Variants in TTC17 observed in about 807,000 individuals in gnomAD.
The protein encoded by TTC17 is tetratricopeptide repeat domain 17, also known as tetratricopeptide repeat protein 17.
In TTC17, 58 loss-of-function variants were observed where a neutral mutation model predicts 143.8. That is an observed-to-expected ratio of 0.40 (90% CI 0.33 to 0.50). TTC17 has a LOEUF of 0.50. TTC17 is among the 20% of genes least tolerant of loss of function. The pLI is 0.49. For missense variants in TTC17, 1,273 were observed against 1,392.5 expected (o/e 0.91, Z 1.37); for synonymous variants, 501 against 497.8 (o/e 1.01, Z -0.09).
chr11:43,471,062 C>T (rs767221913), intron 21 of TTC17, among the ~76,000 whole-genome samples: 38 of 152,170 alleles, frequency 2.5e-4, no homozygotes, highest in Non-Finnish European at 5.1e-4. Context: ...CAGCAGTTGG[C>T]ATTAACCAGA....
intron 15 of TTC17, among the ~76,000 whole-genome samples, chr11:43,410,591 A>G (rs1330304433): frequency 1.3e-5 from 2 of 152,168 alleles, no homozygotes; most frequent in African/African-American, 4.8e-5. Flanking sequence ...CTTCAGCTTC[A>G]TATCTTGAGA....
chr11:43,391,702 C>T (rs1345570444), intron 4 of TTC17, 119 bp from the exon 5 acceptor site: 2 of 1,346,140 alleles, frequency 1.5e-6, no homozygotes, highest in Non-Finnish European at 2.0e-6. Flanking sequence ...TTATAGACAT[C>T]TCTTATTTCT....
intron 1 of TTC17, among the ~76,000 whole-genome samples, chr11:43,363,607 A>G (rs1856203553): frequency 6.6e-6 from 1 of 152,140 alleles, no homozygotes. Flanking sequence ...CTTTGTCACT[A>G]TTTCCCTCTT....
chr11:43,461,369 C>T (rs1358649432), intron 21 of TTC17, among the ~76,000 whole-genome samples: 4 of 119,548 alleles, frequency 3.3e-5, no homozygotes, highest in African/African-American at 6.4e-5. Flanking sequence ...CCGGCCTGGG[C>T]GACAGAGCGA....
chr11:43,425,605 G>A (rs759978497), intron 16 of TTC17, among the ~76,000 whole-genome samples: 1 of 152,062 alleles, frequency 6.6e-6, no homozygotes, highest in Non-Finnish European at 1.5e-5. Context: ...AAGAGCATTC[G>A]TGAGATTTTA....
intron 21 of TTC17, among the ~76,000 whole-genome samples, chr11:43,484,581 T>G (rs1948347771): frequency 6.6e-6 from 1 of 152,216 alleles, no homozygotes; most frequent in Non-Finnish European, 1.5e-5. Flanking sequence ...GCAGGGTTTT[T>G]TTATGGCACT....
At chr11:43,467,519 A>G (rs1479887311) in intron 21 of TTC17, among the ~76,000 whole-genome samples, 2 of 152,218 alleles carry the variant, frequency 1.3e-5, no homozygotes, top group Non-Finnish European at 2.9e-5. Flanking sequence ...ACTGGGAGGA[A>G]GGGGGTGTGA....
chr11:43,362,149 TTGTGTGTGTGTGTGTGTGTGTG>T (rs3978779), intron 1 of TTC17, among the ~76,000 whole-genome samples: 11 of 138,150 alleles, frequency 8.0e-5, no homozygotes, highest in East Asian at 2.2e-4. Context: ...CCCGGCTAAT[TTGTGTGTGTGTGTGTGTGTGTG>T]TGTGTGTGTG....
Position 43,404,041 on chromosome 11 carries a change from T to G in TTC17, c.1376T>G (p.Phe459Cys). ...SSTSSMMSVN[F>C]DVQSNQSDIN... ...ACCTCCAGTATGATGTCTGTGAACT[T>G]TGATGTTCAATCAAATCAGAGTGAT... Residue 459 changes from phenylalanine (F) to cysteine (C), a missense_variant, in exon 11 of 24, where the codon TTT becomes TGT. Around this residue, in one of 3 missense-constraint regions of TTC17, gnomAD observed 878 missense variants for 899.8 expected, o/e 0.98. Transcript: ENST00000039989. 1.9e-6 allele frequency: 3 copies of G among 1,612,576 alleles called. No individual in the cohort carries two copies. Among genetic ancestry groups the G allele is most frequent in the Non-Finnish European group, 2.5e-6 (3 of 1,179,266 alleles).
intron 15 of TTC17, among the ~76,000 whole-genome samples, 199 bp downstream of exon 15, chr11:43,407,776 A>G (rs1858214132): frequency 6.6e-6 from 1 of 152,086 alleles, no homozygotes; most frequent in Non-Finnish European, 1.5e-5. Context: ...TGAAATTTAT[A>G]ATTACACAGT....
At chr11:43,447,237 G>A (rs1947563483) in intron 18 of TTC17, among the ~76,000 whole-genome samples, 1 of 152,024 alleles carries the variant, frequency 6.6e-6, no homozygotes, top group African/African-American at 2.4e-5. Flanking sequence ...GTTAAAAAAA[G>A]AAAAATGGAA....
intron 16 of TTC17, among the ~76,000 whole-genome samples, chr11:43,423,226 T>C (rs188657675): frequency 6.6e-6 from 1 of 152,316 alleles, no homozygotes; most frequent in East Asian, 1.9e-4. Context: ...AAAACAGTTG[T>C]CTCAGAATGC....
chr11:43,384,393 C>T (rs565380557), intron 2 of TTC17, among the ~76,000 whole-genome samples: 161 of 152,286 alleles, frequency 1.1e-3, no homozygotes, highest in African/African-American at 2.1e-3. Flanking sequence ...CAGTGGCTCA[C>T]GCCTGTAATC....
intron 22 of TTC17, 119 bp from the exon 23 acceptor site, chr11:43,491,897 TTGAG>T: frequency 7.7e-7 from 1 of 1,305,544 alleles, no homozygotes. Flanking sequence ...CAAAAGCACT[TTGAG>T]TGGCACTGTT....
At chr11:43,449,914 G>A (rs1947623985) in intron 19 of TTC17, 168 bp from the exon 20 acceptor site, 2 of 727,596 alleles carry the variant, frequency 2.7e-6, no homozygotes, top group Non-Finnish European at 4.3e-6. Flanking sequence ...CTTGGAAGAA[G>A]AAATCCTAGA....
intron 21 of TTC17, among the ~76,000 whole-genome samples, chr11:43,489,114 C>T (rs879502973): frequency 6.6e-6 from 1 of 152,134 alleles, no homozygotes; most frequent in Admixed American, 6.5e-5. Context: ...TACCATAAGT[C>T]CAAAGACAGA....
intron 21 of TTC17, among the ~76,000 whole-genome samples, chr11:43,461,505 G>T (rs1408649330): frequency 6.7e-6 from 1 of 148,678 alleles, no homozygotes; most frequent in African/African-American, 2.5e-5. Context: ...GTTCTTAAAA[G>T]ATTAAGGCAA....
rs958679505 is a variant in TTC17, at chr11:43,420,722, G to A, written c.2251+5946G>A. Among the ~76,000 whole-genome samples, 5 of 152,050 alleles carry A rather than the reference G, an allele frequency of 3.3e-5. No homozygotes were observed. The South Asian group carries it at 6.2e-4, about 19-fold the overall frequency. On this transcript the variant is annotated intron_variant, in intron 16 of 23. Coordinates refer to ENST00000039989, the MANE Select transcript of TTC17 (RefSeq NM_018259.6). ...CCAATGGTTTTATACTTCAGCCTCT[G>A]AAAGACATTATATATAAATATTTGT...
intron 16 of TTC17, among the ~76,000 whole-genome samples, chr11:43,442,048 A>C (rs1947434568): frequency 6.6e-6 from 1 of 151,924 alleles, no homozygotes; most frequent in Non-Finnish European, 1.5e-5. Context: ...AGCCTACTGC[A>C]CTCCCGCGTT....
Sources: allele counts gnomAD v4.1 joint callset (sites outside exome capture counted in the v4.1 genomes callset), GRCh38; gene constraint gnomAD v4.1.1; regional missense constraint gnomAD v4.1.1; transcripts MANE v1.5; gene names NCBI Gene and HGNC (gene_info 2026-07-23, HGNC 2026-07-21).